Variants in SLC35F1 observed in about 807,000 individuals in gnomAD.
The protein encoded by SLC35F1 is chromosome 6 open reading frame 169.
SLC35F1 carries 14 observed loss-of-function variants against 48.7 expected under a neutral mutation model. The ratio of observed to expected loss-of-function variants is 0.29; its 90% CI spans 0.19 to 0.45. The LOEUF is 0.45. Ranked by LOEUF, SLC35F1 falls within the 20% of genes least tolerant of loss-of-function variation. The pLI, the probability that SLC35F1 is intolerant of heterozygous loss-of-function variation, is 1.00. For missense variants in SLC35F1, 404 were observed against 500.0 expected (o/e 0.81, Z 1.83); for synonymous variants, 190 against 202.2 (o/e 0.94, Z 0.51).
chr6:118,034,782 CT>C (rs1772103530), intron 1 of SLC35F1, among the ~76,000 whole-genome samples: 1 of 151,794 alleles, frequency 6.6e-6, no homozygotes, highest in Admixed American at 6.6e-5. Context: ...TCCTCCCAGA[CT>C]CTTTATTTCA....
chr6:118,060,965 A>G (rs531349169), intron 1 of SLC35F1, among the ~76,000 whole-genome samples: 1 of 152,276 alleles, frequency 6.6e-6, no homozygotes, highest in Non-Finnish European at 1.5e-5. Context: ...CACTCATTCA[A>G]CTGTTCATTT....
intron 1 of SLC35F1, among the ~76,000 whole-genome samples, chr6:118,097,355 AG>A (rs1773192031): frequency 6.6e-6 from 1 of 152,220 alleles, no homozygotes; most frequent in Non-Finnish European, 1.5e-5. Context: ...CAAAGGGAGA[AG>A]GGGGCTCCAG....
At chr6:118,007,889 G>A (rs6935516) in intron 1 of SLC35F1, among the ~76,000 whole-genome samples, 97,849 of 150,382 alleles carry the variant, frequency 0.65, 31,731 homozygotes, top group East Asian at 0.81. Context: ...GGAGCTTCAG[G>A]TCTTCTTCTC....
chr6:118,070,137 C>T (rs1433017068), intron 1 of SLC35F1, among the ~76,000 whole-genome samples: 3 of 67,728 alleles, frequency 4.4e-5, no homozygotes, highest in East Asian at 4.0e-4. Flanking sequence ...AGCGAGACTC[C>T]GTCTCAAAAA....
intron 1 of SLC35F1, among the ~76,000 whole-genome samples, chr6:118,060,183 C>T (rs1403700127): frequency 6.6e-6 from 1 of 152,086 alleles, no homozygotes; most frequent in Non-Finnish European, 1.5e-5. Flanking sequence ...AATATCTTTA[C>T]CATTGGCTTA....
chr6:117,966,130 C>G lies in SLC35F1; in HGVS notation c.173+58231C>G, dbSNP rs551201830. Among the ~76,000 whole-genome samples, 5 of 27,250 alleles carry G rather than the reference C, an allele frequency of 1.8e-4. No individual in the cohort carries two copies. The South Asian group carries it at 0.016, about 88-fold the overall frequency. 17.9% of individuals were successfully genotyped at this position (27,250 alleles called of 152,430 possible). On this transcript the variant is annotated intron_variant, in intron 1 of 7. Coordinates refer to ENST00000360388, the MANE Select transcript of SLC35F1 (RefSeq NM_001029858.4). ...AAATAAGGGAATAAAAGCAGGCCAC[C>G]GCCCCCCCCCCCACTCCCGCCCCGC...
intron 1 of SLC35F1, among the ~76,000 whole-genome samples, chr6:118,106,990 A>T (rs1185739709): frequency 6.6e-6 from 1 of 152,222 alleles, no homozygotes; most frequent in African/African-American, 2.4e-5. Flanking sequence ...ATCACTTTGT[A>T]TAATTCTCTT....
intron 1 of SLC35F1, among the ~76,000 whole-genome samples, chr6:118,049,415 G>A (rs1247961344): frequency 6.6e-6 from 1 of 152,068 alleles, no homozygotes; most frequent in African/African-American, 2.4e-5. Flanking sequence ...ACTACCATCA[G>A]AGTGAACAGG....
chr6:117,915,907 A>T (rs545720349), intron 1 of SLC35F1, among the ~76,000 whole-genome samples: 2 of 152,310 alleles, frequency 1.3e-5, no homozygotes, highest in Admixed American at 1.3e-4. Flanking sequence ...ATTTGAACAG[A>T]ATCTGGACCA....
intron 2 of SLC35F1, among the ~76,000 whole-genome samples, chr6:118,186,636 A>T (rs144924471): frequency 1.1e-4 from 16 of 152,328 alleles, no homozygotes; most frequent in African/African-American, 3.6e-4. Context: ...TAGTGGTTCA[A>T]CATTCATGGC....
chr6:118,189,867 T>G (rs1445947948), intron 2 of SLC35F1, among the ~76,000 whole-genome samples: 1 of 152,204 alleles, frequency 6.6e-6, no homozygotes, highest in African/African-American at 2.4e-5. Flanking sequence ...AGTCACAGGT[T>G]GGCATTTGCC....
intron 7 of SLC35F1, among the ~76,000 whole-genome samples, chr6:118,300,069 C>G (rs535175480): frequency 3.9e-4 from 59 of 152,130 alleles, no homozygotes; most frequent in Non-Finnish European, 6.8e-4. Context: ...ACAATCAGCC[C>G]TCTGTATCCA....
chr6:117,964,872 G>A (rs903486870), intron 1 of SLC35F1, among the ~76,000 whole-genome samples: 16 of 152,186 alleles, frequency 1.1e-4, no homozygotes, highest in Admixed American at 1.3e-4. Context: ...GAGGTCAGTC[G>A]CAAATTCATT....
At chr6:118,048,667 G>C (rs151318487) in intron 1 of SLC35F1, among the ~76,000 whole-genome samples, 2,206 of 152,210 alleles carry the variant, frequency 0.014, 60 homozygotes, top group African/African-American at 0.05. Context: ...GGATGTGAAG[G>C]ACCTCTTCAA....
Position 118,277,521 on chromosome 6 carries a change from G to T in SLC35F1, c.822G>T (p.Leu274Phe). Residue 274 changes from leucine to phenylalanine, a missense_variant, in exon 6 of 8, where the codon TTG (leucine) becomes TTT (phenylalanine). Leu to Phe is a conservative substitution (Grantham distance 22). This residue lies in a region of SLC35F1 where 306 missense variants were observed against 419.1 expected (regional missense o/e 0.73). Transcript: ENST00000360388. Reference sequence around the variant, plus strand: ...CTATAATGGAGCATAAGGAACTGTTGAAGGTGCCCTGGGACTGGCAAATAG... The same window carrying T: ...CTATAATGGAGCATAAGGAACTGTTTAAGGTGCCCTGGGACTGGCAAATAG... ...QLAIMEHKELLKVPWDWQIGL... is the reference protein window; with the variant it reads ...QLAIMEHKELFKVPWDWQIGL... The T allele has an allele frequency of 6.2e-7, 1 of 1,614,062 alleles. No individual in the cohort carries two copies. The highest frequency in any genetic ancestry group is 8.5e-7 in the Non-Finnish European group (1 of 1,179,946).
intron 1 of SLC35F1, among the ~76,000 whole-genome samples, chr6:117,945,634 T>G (rs1582578395): frequency 3.3e-5 from 5 of 152,354 alleles, no homozygotes; most frequent in African/African-American, 2.4e-5. Flanking sequence ...ATTCTCTAGT[T>G]TTTAGACCTG....
chr6:118,291,015 G>A (rs193223646), intron 7 of SLC35F1, among the ~76,000 whole-genome samples: 6 of 151,874 alleles, frequency 4.0e-5, no homozygotes, highest in East Asian at 1.9e-4. Flanking sequence ...GCCTGGTCTC[G>A]ACCTCCTGAC....
chr6:118,097,357 G>A (rs187107077), intron 1 of SLC35F1, among the ~76,000 whole-genome samples: 1 of 152,182 alleles, frequency 6.6e-6, no homozygotes, highest in Non-Finnish European at 1.5e-5. Flanking sequence ...AAGGGAGAAG[G>A]GGGCTCCAGG....
At chr6:118,096,827 C>T (rs1259721696) in intron 1 of SLC35F1, among the ~76,000 whole-genome samples, 1 of 152,114 alleles carries the variant, frequency 6.6e-6, no homozygotes, top group African/African-American at 2.4e-5. Context: ...TCACTCCTAC[C>T]CCAAAGCTGC....
Sources: allele counts gnomAD v4.1 joint callset (sites outside exome capture counted in the v4.1 genomes callset), GRCh38; gene constraint gnomAD v4.1.1; regional missense constraint gnomAD v4.1.1; transcripts MANE v1.5; gene names NCBI Gene and HGNC (gene_info 2026-07-23, HGNC 2026-07-21).